The following MNS1 variants were observed in gnomAD, a reference collection of about 807,000 sequenced individuals.
MNS1 encodes the protein meiosis-specific nuclear structural protein 1.
MNS1 carries 63 observed loss-of-function variants against 72.0 expected under a neutral mutation model. The ratio of observed to expected loss-of-function variants is 0.87; its 90% CI spans 0.71 to 1.08. MNS1 has a LOEUF of 1.08. Among genes scored for constraint, MNS1 ranks in the 50% least tolerant of loss-of-function variants. The probability of loss-of-function intolerance (pLI) is 0.00; values close to 1 mark genes in which losing one functional copy is unlikely to be tolerated. For synonymous variants in MNS1, 188 were observed against 172.1 expected (o/e 1.09, Z -0.72); for missense variants, 604 against 562.4 (o/e 1.07, Z -0.75).
rs2050852726 is a variant in MNS1, at chr15:56,443,447, A to G, written c.994T>C (p.Tyr332His). 4 of 1,584,540 alleles carry G rather than the reference A, an allele frequency of 2.5e-6. No individual in the cohort carries two copies. Among genetic ancestry groups the G allele is most frequent in the East Asian group, 2.2e-5 (1 of 44,476 alleles). Residue 332 changes from tyrosine (Y) to histidine (H), a missense_variant, in exon 7 of 10, where the codon TAT (tyrosine) becomes CAT (histidine). Coordinates refer to ENST00000260453, the MANE Select transcript of MNS1 (RefSeq NM_018365.4). ...AAACTTACTTTTAGCTTGCTCTTAT[A>G]TATTTCAGCTTGTTCTTCCTGGTAT... ...ELYQEEQAEI[Y>H]KSKLKEEAEK... is the part of the protein sequence containing the mutation.
At chr15:56,431,888 A>C (rs1331791223) in intron 8 of MNS1, among the ~76,000 whole-genome samples, 1 of 151,940 alleles carries the variant, frequency 6.6e-6, no homozygotes, top group African/African-American at 2.4e-5. Context: ...AGAAATATCT[A>C]AAGGATATTT....
At chr15:56,453,335 T>C (rs1040312780) in intron 3 of MNS1, among the ~76,000 whole-genome samples, 1 of 152,174 alleles carries the variant, frequency 6.6e-6, no homozygotes, top group East Asian at 1.9e-4. Flanking sequence ...GAAGAACTGC[T>C]AGTATTCCCT....
At chr15:56,433,228 G>C (rs1462761686) in intron 8 of MNS1, among the ~76,000 whole-genome samples, 1 of 141,214 alleles carries the variant, frequency 7.1e-6, no homozygotes, top group African/African-American at 2.6e-5. Context: ...CACAGGGAGA[G>C]GAACATCATC....
At chr15:56,454,150 A>G (rs1318674726) in intron 3 of MNS1, among the ~76,000 whole-genome samples, 1 of 152,188 alleles carries the variant, frequency 6.6e-6, no homozygotes, top group Non-Finnish European at 1.5e-5. Flanking sequence ...AATTTTTCAC[A>G]AGGTATAAAA....
intron 2 of MNS1, among the ~76,000 whole-genome samples, chr15:56,460,601 T>A (rs182554421): frequency 3.4e-4 from 52 of 152,336 alleles, no homozygotes; most frequent in Non-Finnish European, 6.0e-4. Context: ...GTGAAGGGTA[T>A]ATGTGAATTC....
chr15:56,449,973 T>C (rs1176077369), intron 3 of MNS1, among the ~76,000 whole-genome samples: 1 of 152,198 alleles, frequency 6.6e-6, no homozygotes, highest in East Asian at 1.9e-4. Flanking sequence ...GTCGTCAATT[T>C]TATTCACCTT....
chr15:56,440,768 T>C (rs1424648805), intron 7 of MNS1, among the ~76,000 whole-genome samples: 1 of 152,228 alleles, frequency 6.6e-6, no homozygotes, highest in Non-Finnish European at 1.5e-5. Flanking sequence ...GCACATACTT[T>C]TAAATTTATA....
At chr15:56,430,703 T>C (rs1241655130) in intron 9 of MNS1, among the ~76,000 whole-genome samples, 2 of 152,124 alleles carry the variant, frequency 1.3e-5, no homozygotes, top group African/African-American at 4.8e-5. Context: ...ATCTTTGGCA[T>C]GTAAGTACTA....
chr15:56,430,483 G>A (rs2050557401), intron 9 of MNS1, among the ~76,000 whole-genome samples: 1 of 152,140 alleles, frequency 6.6e-6, no homozygotes, highest in Admixed American at 6.6e-5. Context: ...TGGGATTATA[G>A]GCATGAGTTG....
At chr15:56,436,097 C>A in intron 7 of MNS1, among the ~76,000 whole-genome samples, 1 of 152,094 alleles carries the variant, frequency 6.6e-6, no homozygotes, top group Non-Finnish European at 1.5e-5. Context: ...AGTTCTGCAC[C>A]AAGCAGACCT....
chr15:56,456,741 C>T (rs1253300776), intron 2 of MNS1, among the ~76,000 whole-genome samples: 2 of 152,078 alleles, frequency 1.3e-5, no homozygotes, highest in Admixed American at 6.5e-5. Context: ...TTTAAATACA[C>T]TCTCAGGTAC....
chr15:56,464,678 C>A (rs1376881459), intron 1 of MNS1, among the ~76,000 whole-genome samples: 1 of 152,060 alleles, frequency 6.6e-6, no homozygotes, highest in East Asian at 1.9e-4. Context: ...GTCAATTCGC[C>A]GCTATTTATC....
intron 4 of MNS1, among the ~76,000 whole-genome samples, chr15:56,446,621 A>G (rs1005083149): frequency 6.6e-5 from 10 of 152,058 alleles, no homozygotes; most frequent in Admixed American, 6.6e-5. Context: ...GTTACTGAAT[A>G]TAGCTGGTCA....
At chr15:56,457,792 C>A (rs1387909267) in intron 2 of MNS1, among the ~76,000 whole-genome samples, 1 of 150,384 alleles carries the variant, frequency 6.6e-6, no homozygotes, top group African/African-American at 2.5e-5. Context: ...TCCAGCTGGG[C>A]AACAGAGCAA....
intron 2 of MNS1, 136 bp from the exon 3 acceptor site, chr15:56,456,657 G>A: frequency 1.1e-6 from 1 of 902,380 alleles, no homozygotes; most frequent in Non-Finnish European, 1.6e-6. Flanking sequence ...AATACAAAAT[G>A]TTGTTTCAAT....
Position 56,428,928 on chromosome 15 carries a change from G to T in MNS1, c.*173C>A. ...ATTATCAGTACAAAAATAACAGCTT[G>T]ATTAAAATTAATTTGTATCTGATAA... On this transcript the variant is annotated 3_prime_UTR_variant, in exon 10 of 10. Coordinates refer to ENST00000260453, the MANE Select transcript of MNS1 (RefSeq NM_018365.4). The T allele has an allele frequency of 1.8e-6, 1 of 541,324 alleles. No homozygotes were observed. The highest frequency in any genetic ancestry group is 3.2e-6 in the Non-Finnish European group (1 of 311,570). 33.5% of individuals were successfully genotyped at this position (541,324 alleles called of 1,614,324 possible). A position where few individuals can be genotyped will look rare whatever the true frequency, so the allele number is the denominator to read the frequency against.
At chr15:56,442,890 A>T (rs1655114695) in intron 7 of MNS1, among the ~76,000 whole-genome samples, 1 of 152,032 alleles carries the variant, frequency 6.6e-6, no homozygotes. Flanking sequence ...AACCTAAAGT[A>T]AAAGTTGGAA....
At chr15:56,455,721 T>C (rs1302465705) in intron 3 of MNS1, among the ~76,000 whole-genome samples, 2 of 152,270 alleles carry the variant, frequency 1.3e-5, no homozygotes, top group South Asian at 2.1e-4. Flanking sequence ...CTGGCAGTCT[T>C]TCTTGGAGTA....
At chr15:56,460,966 A>ACTCAACCT (rs2051016419) in intron 2 of MNS1, among the ~76,000 whole-genome samples, 1 of 152,180 alleles carries the variant, frequency 6.6e-6, no homozygotes, top group African/African-American at 2.4e-5. Flanking sequence ...TTGAGTCCTA[A>ACTCAACCT]AGCCTGAGAA....
Sources: allele counts gnomAD v4.1 joint callset (sites outside exome capture counted in the v4.1 genomes callset), GRCh38; gene constraint gnomAD v4.1.1; transcripts MANE v1.5; gene names NCBI Gene and HGNC (gene_info 2026-07-23, HGNC 2026-07-21).